CUL4B: variants seen among roughly 807,000 people sequenced by gnomAD.
The protein encoded by CUL4B is cullin 4B.
CUL4B carries 1 observed loss-of-function variant against 69.2 expected under a neutral mutation model. The observed-to-expected ratio is 0.01, with a 90% CI of 0.01 to 0.07. The LOEUF (loss-of-function observed/expected upper bound fraction) is 0.07. Ranked by LOEUF, CUL4B falls within the 10% of genes least tolerant of loss-of-function variation. The pLI is 1.00. For missense variants in CUL4B, 328 were observed against 638.8 expected (o/e 0.51, Z 5.24); for synonymous variants, 237 against 223.2 (o/e 1.06, Z -0.55).
chrX:120,541,556 G>T, intron 10 of CUL4B, 46 bp downstream of exon 10: 2 of 854,211 alleles, frequency 2.3e-6, no homozygotes, highest in Non-Finnish European at 3.5e-6. Context: ...CTCTTGATGT[G>T]TAGATAAGCC....
At chrX:120,553,883 A>G (rs976768127) in intron 2 of CUL4B, among the ~76,000 whole-genome samples, 1 of 111,743 alleles carries the variant, frequency 8.9e-6, no homozygotes, top group Non-Finnish European at 1.9e-5. Context: ...CAAAATTCCA[A>G]CTGTATGATA....
At chrX:120,533,189 C>G (rs934820615) in intron 17 of CUL4B, among the ~76,000 whole-genome samples, 1 of 112,217 alleles carries the variant, frequency 8.9e-6, no homozygotes, top group Non-Finnish European at 1.9e-5. Context: ...GCTGCTTCCG[C>G]AGAGATGAGT....
chrX:120,535,499 C>CA (rs1175978522), intron 16 of CUL4B, among the ~76,000 whole-genome samples: 1 of 109,372 alleles, frequency 9.1e-6, no homozygotes, highest in Non-Finnish European at 1.9e-5. Flanking sequence ...GGTCAAGAGA[C>CA]AGAGACCATC....
intron 2 of CUL4B, among the ~76,000 whole-genome samples, chrX:120,551,899 G>GA (rs1165834813): frequency 9.0e-6 from 1 of 111,405 alleles, no homozygotes; most frequent in Non-Finnish European, 1.9e-5. Context: ...ATTGAACAAG[G>GA]AATGACTGTT....
upstream of CUL4B, among the ~76,000 whole-genome samples, chrX:120,564,847 A>C (rs1925445966): frequency 8.9e-6 from 1 of 112,106 alleles, no homozygotes; most frequent in African/African-American, 3.2e-5. Flanking sequence ...ACTAAACCAG[A>C]CTGGGCACTT....
intron 15 of CUL4B, among the ~76,000 whole-genome samples, chrX:120,536,509 T>C (rs7057136): frequency 0.017 from 1,883 of 112,126 alleles, 42 homozygotes; most frequent in African/African-American, 0.058. Flanking sequence ...GGGTGAAATA[T>C]GTGCAAGAAT....
intron 18 of CUL4B, 73 bp from the exon 19 acceptor site, chrX:120,530,327 T>C (rs899193237): frequency 2.5e-5 from 25 of 986,307 alleles, no homozygotes; most frequent in Non-Finnish European, 3.4e-5. Flanking sequence ...TTGTGCATTT[T>C]AGGGACATGA....
chrX:120,553,021 C>G (rs1924776125), intron 2 of CUL4B, among the ~76,000 whole-genome samples: 1 of 112,094 alleles, frequency 8.9e-6, no homozygotes, highest in Non-Finnish European at 1.9e-5. Context: ...TTCCAGTAAA[C>G]AGGACTTAAA....
chrX:120,561,216 G>A (rs1473419421), upstream of CUL4B: 4 of 526,454 alleles, frequency 7.6e-6, no homozygotes, highest in African/African-American at 7.2e-5. Context: ...GGAAAGGGGC[G>A]GCTAAAGTGC....
chrX:120,554,884 CCA>C (rs1287957308), intron 2 of CUL4B, among the ~76,000 whole-genome samples: 1 of 111,999 alleles, frequency 8.9e-6, no homozygotes, highest in East Asian at 2.8e-4. Flanking sequence ...CACCTGAAGT[CCA>C]GATTATATGA....
upstream of CUL4B, chrX:120,561,264 C>T: frequency 1.9e-6 from 1 of 522,895 alleles, no homozygotes; most frequent in Non-Finnish European, 3.5e-6. Flanking sequence ...GCTCCCGCTC[C>T]CCTTCGCGAT....
At chrX:120,552,955 A>C (rs1422985485) in intron 2 of CUL4B, among the ~76,000 whole-genome samples, 1 of 112,316 alleles carries the variant, frequency 8.9e-6, no homozygotes, top group Non-Finnish European at 1.9e-5. Context: ...AAAAACTAAG[A>C]ATCTGTTTAA....
At position 120,528,172 on chromosome X, in the gene CUL4B, T is replaced by TA. The variant is rs1460164984; in HGVS notation, c.2593-1317dup. Among the ~76,000 whole-genome samples the TA allele has an allele frequency of 6.3e-5, 7 of 110,579 alleles. No homozygotes were observed. The Admixed American group carries it at 6.8e-4, about 11-fold the overall frequency. Reference sequence around the variant, plus strand: ...CTGTAATCCCAGCACTTTGGGAGGCTAAGATGGGTGGATCACCTGAGGTCA... The same window carrying TA: ...CTGTAATCCCAGCACTTTGGGAGGCTAAAGATGGGTGGATCACCTGAGGTCA... On this transcript the variant is annotated intron_variant, in intron 19 of 19. Coordinates refer to ENST00000371322, the MANE Select transcript of CUL4B (RefSeq NM_001079872.2).
In CUL4B at chrX:120,525,457, A is replaced by G. The variant is rs758177212; in HGVS notation, c.*1304T>C. 3 of 112,402 alleles carry G rather than the reference A, an allele frequency of 2.7e-5. No individual in the cohort carries two copies. In the South Asian group the frequency reaches 1.1e-3, roughly 41 times the overall value. The allele number at this position is 112,402 out of a possible 1,213,427, so 9.3% of individuals were successfully genotyped here. ...AAAACAAAAAAAAATCAGTGACAGT[A>G]AAGAGAAGCCTTTGCTTGAATTATC... is the stretch of plus-strand genomic sequence containing the variant. On this transcript the variant is annotated 3_prime_UTR_variant, in exon 20 of 20. Coordinates refer to ENST00000371322, the MANE Select transcript of CUL4B (RefSeq NM_001079872.2).
At chrX:120,535,704 CAAAAAAAAAAA>C (rs71820203) in intron 16 of CUL4B, 115 bp downstream of exon 16, 24 of 189,757 alleles carry the variant, frequency 1.3e-4, no homozygotes, top group African/African-American at 8.9e-5. Flanking sequence ...GACTCTGTCT[CAAAAAAAAAAA>C]AAAAAAAAAA....
In CUL4B at chrX:120,537,968, A is replaced by G. The variant is rs955585621; in HGVS notation, c.1938+156T>C. The stretch of plus-strand genomic sequence containing the variant: ...ATCCTAAAGTAGGTCAAATATACTT[A>G]TATTTCACCAATTTTTTTTTCTACT... On this transcript the variant is annotated intron_variant, in intron 14 of 19. Transcript: ENST00000371322. The G allele has an allele frequency of 1.0e-4, 44 of 424,424 alleles. No individual in the cohort carries two copies. The African/African-American group carries it at 1.1e-3, about 11-fold the overall frequency. 35.0% of individuals were successfully genotyped at this position (424,424 alleles called of 1,213,427 possible).
downstream of CUL4B, among the ~76,000 whole-genome samples, chrX:120,567,794 G>A: frequency 9.3e-6 from 1 of 107,406 alleles, no homozygotes; most frequent in East Asian, 3.0e-4. Context: ...AGGATTGCTT[G>A]AGCCCAGGAG....
At chrX:120,558,463 T>A (rs867820509) in intron 1 of CUL4B, among the ~76,000 whole-genome samples, 2 of 111,932 alleles carry the variant, frequency 1.8e-5, no homozygotes, top group Non-Finnish European at 3.8e-5. Context: ...CCCTGAGGAA[T>A]CTATTTTACA....
In CUL4B at chrX:120,547,203, T is replaced by C. The variant is rs1289112863; in HGVS notation, c.709A>G (p.Asn237Asp). ...ATCTGTCTCAGCTGTTTGTACAAGTTTGCAGAAATCTTGTAAGAACAGAGA... is the reference window on the plus strand; with the variant it reads ...ATCTGTCTCAGCTGTTTGTACAAGTCTGCAGAAATCTTGTAAGAACAGAGA... ...ENLCSYKISANLYKQLRQICE... is the reference protein window; with the variant it reads ...ENLCSYKISADLYKQLRQICE... Residue 237 changes from asparagine to aspartate, a missense_variant, in exon 3 of 20, where the codon AAC (asparagine) becomes GAC (aspartate). By Grantham distance (23) the Asn-to-Asp change is conservative. Coordinates refer to ENST00000371322, the MANE Select transcript of CUL4B (RefSeq NM_001079872.2). 4 of 1,205,050 alleles carry C rather than the reference T, an allele frequency of 3.3e-6. No individual in the cohort carries two copies. Among genetic ancestry groups the C allele is most frequent in the Non-Finnish European group, 4.5e-6 (4 of 889,840 alleles).
Sources: allele counts gnomAD v4.1 joint callset (sites outside exome capture counted in the v4.1 genomes callset), GRCh38; gene constraint gnomAD v4.1.1; transcripts MANE v1.5; gene names NCBI Gene and HGNC (gene_info 2026-07-23, HGNC 2026-07-21).